SPTAN1: variants seen among roughly 807,000 people sequenced by gnomAD.
The protein encoded by SPTAN1 is spectrin alpha chain, non-erythrocytic 1.
SPTAN1 carries 61 observed loss-of-function variants against 331.3 expected under a neutral mutation model. The observed-to-expected ratio is 0.18, with a 90% CI of 0.15 to 0.23. The LOEUF (loss-of-function observed/expected upper bound fraction) is 0.23, where lower values mean the gene tolerates loss of function less well. Among genes scored for constraint, SPTAN1 ranks in the 10% least tolerant of loss-of-function variants. SPTAN1 has a pLI of 1.00. For missense variants in SPTAN1, 2,043 were observed against 3,147.9 expected (o/e 0.65, Z 8.40); for synonymous variants, 1,153 against 1,173.9 (o/e 0.98, Z 0.36).
At chr9:128,598,577 A>G in intron 25 of SPTAN1, 73 bp downstream of exon 25, 1 of 1,222,934 alleles carries the variant, frequency 8.2e-7, no homozygotes, top group Non-Finnish European at 1.2e-6. Flanking sequence ...TGTCTGTCAT[A>G]GCCCAACAAG....
In SPTAN1 at chr9:128,627,555, G is replaced by T. The variant is rs1437706379; in HGVS notation, c.6689+57G>T. 5 of 1,471,418 alleles carry T rather than the reference G, an allele frequency of 3.4e-6. No homozygotes were observed. In the East Asian group the frequency reaches 7.4e-5, roughly 22 times the overall value. The allele number at this position is 1,471,418 out of a possible 1,614,324, so 91.1% of individuals were successfully genotyped here. The stretch of plus-strand genomic sequence containing the variant: ...CATGTCCCTGCTGTACTTAAGCCCT[G>T]GGGAGCTTCCAGCCCCAAGGAGGTG... On this transcript the variant is annotated intron_variant, in intron 50 of 56. Coordinates refer to ENST00000372739, the MANE Select transcript of SPTAN1 (RefSeq NM_001130438.3). This position sits in a 1 kb window ranked among gnomAD's most constrained non-coding sequence, Gnocchi z 4.9.
chr9:128,577,093 C>G lies in SPTAN1; in HGVS notation c.786-36C>G, dbSNP rs1376764492. The G allele has an allele frequency of 6.2e-7, 1 of 1,613,990 alleles. No individual in the cohort carries two copies. The highest frequency in any genetic ancestry group is 1.3e-5 in the African/African-American group (1 of 74,900). On this transcript the variant is annotated intron_variant, in intron 6 of 56. Coordinates refer to ENST00000372739, the MANE Select transcript of SPTAN1 (RefSeq NM_001130438.3). The surrounding 1 kb of genome is among the most constrained non-coding windows in gnomAD (Gnocchi z 4.2). ...GGTGTTCCTAGTTCTAGGGAGTCAT[C>G]ATTGCTGTGGATTAACTGGTGCCTT...
At chr9:128,631,898 A>T in intron 52 of SPTAN1, 1 of 575,440 alleles carries the variant, frequency 1.7e-6, no homozygotes, top group South Asian at 2.1e-5. Flanking sequence ...GCCCTCTGGC[A>T]GGTCTACCAG....
At chr9:128,603,925 C>T (rs1168271671) in intron 28 of SPTAN1, among the ~76,000 whole-genome samples, 2 of 152,238 alleles carry the variant, frequency 1.3e-5, no homozygotes. Flanking sequence ...CGTGTCGGCT[C>T]TTCCCAGGCC....
rs1460466416 is a variant in SPTAN1 at position 128,615,858 on chromosome 9, T to C, written c.5357+18T>C. ...TGGATCAAGTATGTCTTCTCAGCCC[T>C]CTAGAAGGCCCCTTACGCCTGTAAT... On this transcript the variant is annotated intron_variant, in intron 41 of 56. Transcript: ENST00000372739. The C allele has an allele frequency of 6.2e-7, 1 of 1,613,266 alleles. No homozygotes were observed.
intron 5 of SPTAN1, among the ~76,000 whole-genome samples, chr9:128,575,775 C>T (rs1012171062): frequency 6.6e-6 from 1 of 152,074 alleles, no homozygotes; most frequent in Non-Finnish European, 1.5e-5. Context: ...AGAACCTTGT[C>T]GTGAATAGGC....
At chr9:128,582,257 G>C (rs1328162797) in intron 12 of SPTAN1, among the ~76,000 whole-genome samples, 1 of 152,198 alleles carries the variant, frequency 6.6e-6, no homozygotes, top group East Asian at 1.9e-4. Context: ...AATGTCTCCA[G>C]TCTTGAATGG....
Position 128,584,274 on chromosome 9 carries a change from A to G in SPTAN1, c.2194-8A>G, listed in dbSNP as rs751842367. 1 of 1,614,196 alleles carries G rather than the reference A, an allele frequency of 6.2e-7. No homozygotes were observed. The highest frequency in any genetic ancestry group is 8.5e-7 in the Non-Finnish European group (1 of 1,180,040). On this transcript the variant is annotated splice_region_variant and splice_polypyrimidine_tract_variant and intron_variant, in intron 16 of 56. Transcript: ENST00000372739. Reference sequence around the variant, plus strand: ...AGTAAAGTCTGCTCTGTCCTTTTGCATTCCCAGGACCGAATTGATGGCATC... The same window carrying G: ...AGTAAAGTCTGCTCTGTCCTTTTGCGTTCCCAGGACCGAATTGATGGCATC...
At chr9:128,600,197 G>T in intron 27 of SPTAN1, 82 bp downstream of exon 27, 1 of 1,458,032 alleles carries the variant, frequency 6.9e-7, no homozygotes. Context: ...GCCTTTCTCT[G>T]AATATTCAGC....
At chr9:128,593,695 A>G (rs1012865598) in intron 23 of SPTAN1, 8 of 212,356 alleles carry the variant, frequency 3.8e-5, no homozygotes, top group African/African-American at 1.4e-4. Context: ...TAATATGGAG[A>G]TAAAACATCC....
chr9:128,599,146 T>C (rs1355675204), intron 26 of SPTAN1, 160 bp downstream of exon 26: 6 of 785,392 alleles, frequency 7.6e-6, no homozygotes, highest in Non-Finnish European at 1.3e-5. Context: ...TTGATTTCTT[T>C]TTTTTTGAGA....
intron 43 of SPTAN1, 47 bp downstream of exon 43, chr9:128,618,155 C>T (rs770419563): frequency 1.9e-6 from 3 of 1,610,112 alleles, no homozygotes; most frequent in African/African-American, 1.3e-5. Context: ...GGAAGGCCAG[C>T]ACCCAAGGGC....
Position 128,584,761 on chromosome 9 carries a change from T to C in SPTAN1, c.2478T>C (p.His826=). 6.2e-7 allele frequency: 1 copy of C among 1,614,170 alleles called. No individual in the cohort carries two copies. The change falls in exon 18 of 57, where the codon CAT becomes CAC. Residue 826 remains histidine (H), a synonymous_variant. Coordinates refer to ENST00000372739, the MANE Select transcript of SPTAN1 (RefSeq NM_001130438.3). ...LIGVQNLLKK[H]QALQAEIAGH... The stretch of plus-strand genomic sequence containing the variant: ...GGGTCCAGAATCTGCTAAAGAAACA[T>C]CAAGCCTTACAAGCAGAAATTGCTG...
chr9:128,571,863 A>G (rs1043315135), intron 3 of SPTAN1, among the ~76,000 whole-genome samples: 6 of 151,942 alleles, frequency 3.9e-5, no homozygotes, highest in Non-Finnish European at 8.8e-5. Context: ...ATTTTAATTT[A>G]TTATTATTTT....
intron 3 of SPTAN1, among the ~76,000 whole-genome samples, chr9:128,572,359 C>T (rs1850828055): frequency 6.6e-6 from 1 of 152,204 alleles, no homozygotes; most frequent in Non-Finnish European, 1.5e-5. Context: ...CCCACTCACG[C>T]TCTCAAATAA....
intron 22 of SPTAN1, among the ~76,000 whole-genome samples, chr9:128,592,416 T>A (rs1241617408): frequency 6.6e-6 from 1 of 152,048 alleles, no homozygotes; most frequent in Non-Finnish European, 1.5e-5. Flanking sequence ...CTGGGACTGC[T>A]GGCACATGCC....
chr9:128,625,097 T>C lies in SPTAN1; in HGVS notation c.5993-6T>C, dbSNP rs1392031488. 1 of 1,614,154 alleles carries C rather than the reference T, an allele frequency of 6.2e-7. No individual in the cohort carries two copies. The highest frequency in any genetic ancestry group is 1.1e-5 in the South Asian group (1 of 91,086). The stretch of plus-strand genomic sequence containing the variant: ...GGCAGTATATTTTCCACACTTCGTT[T>C]TCTAGGTGAAAAGGAGAACAGCTTG... On this transcript the variant is annotated splice_polypyrimidine_tract_variant and splice_region_variant and intron_variant, in intron 46 of 56. Coordinates refer to ENST00000372739, the MANE Select transcript of SPTAN1 (RefSeq NM_001130438.3). This position sits in a 1 kb window ranked among gnomAD's most constrained non-coding sequence, Gnocchi z 4.1.
intron 31 of SPTAN1, among the ~76,000 whole-genome samples, chr9:128,606,497 TG>T (rs71381780): frequency 7.5e-6 from 1 of 134,098 alleles, no homozygotes; most frequent in Non-Finnish European, 1.6e-5. Flanking sequence ...ATTTTTTTTT[TG>T]GGGGGGGAAG....
chr9:128,616,290 G>A (rs1000359183), intron 41 of SPTAN1, among the ~76,000 whole-genome samples: 1 of 151,338 alleles, frequency 6.6e-6, no homozygotes, highest in African/African-American at 2.4e-5. Flanking sequence ...GCTAATTTTT[G>A]TATTTTTAGT....
Sources: allele counts gnomAD v4.1 joint callset (sites outside exome capture counted in the v4.1 genomes callset), GRCh38; gene constraint gnomAD v4.1.1; non-coding constraint Gnocchi (gnomAD v3.1); transcripts MANE v1.5; gene names NCBI Gene and HGNC (gene_info 2026-07-23, HGNC 2026-07-21).